ZSWIM5: variants seen among roughly 807,000 people sequenced by gnomAD.
ZSWIM5 encodes zinc finger SWIM-type containing 5.
In ZSWIM5, 55 loss-of-function variants were observed where a neutral mutation model predicts 119.6. The observed-to-expected ratio is 0.46, with a 90% confidence interval of 0.37 to 0.58. ZSWIM5 has a LOEUF of 0.58. Ranked by LOEUF, ZSWIM5 falls within the 20% of genes least tolerant of loss-of-function variation. The probability of loss-of-function intolerance (pLI) is 0.00; values close to 1 mark genes in which losing one functional copy is unlikely to be tolerated. For missense variants in ZSWIM5, 1,193 were observed against 1,512.8 expected (o/e 0.79, Z 3.51); for synonymous variants, 537 against 606.9 (o/e 0.88, Z 1.69).
In ZSWIM5 at chr1:45,206,182, G is replaced by A. The variant is rs1646189420; in HGVS notation, c.169C>T (p.Arg57Cys). The change falls in exon 1 of 14, where the codon CGC becomes TGC. Residue 57 changes from arginine (R) to cysteine (C), a missense_variant. By Grantham distance (180) the Arg-to-Cys change is radical (BLOSUM62 -3). This residue lies in a region of ZSWIM5 where 232 missense variants were observed against 222.9 expected (regional missense o/e 1.04). Transcript: ENST00000359600. ...AAGGAATCCGGCTGCAGGTGGGGGCGGGCCCCGAGGACCAGGCAGCTGCTG... is the reference window on the plus strand; with the variant it reads ...AAGGAATCCGGCTGCAGGTGGGGGCAGGCCCCGAGGACCAGGCAGCTGCTG... ...VGSSCLVLGA[R>C]PHLQPDSLLD... 1.2e-6 allele frequency: 2 copies of A among 1,605,078 alleles called. No individual in the cohort carries two copies. The highest frequency in any genetic ancestry group is 1.7e-6 in the Non-Finnish European group (2 of 1,176,862).
chr1:45,171,261 T>C lies in ZSWIM5; in HGVS notation c.595+34495A>G, dbSNP rs1455033413. On this transcript the variant is annotated intron_variant, in intron 1 of 13. Transcript: ENST00000359600. ...TTTCAATTCTCTAAAATCAAGCTTA[T>C]TTCAAAAAAGTAATACAAACGCCAA... Among the ~76,000 whole-genome samples, 3 of 152,132 alleles carry C rather than the reference T, an allele frequency of 2.0e-5. No homozygotes were observed. The East Asian group carries it at 5.8e-4, about 29-fold the overall frequency.
At chr1:45,048,124 C>T (rs1645068368) in intron 5 of ZSWIM5, among the ~76,000 whole-genome samples, 2 of 136,952 alleles carry the variant, frequency 1.5e-5, no homozygotes, top group Non-Finnish European at 3.1e-5. Flanking sequence ...CATTTTGTTG[C>T]CCAGGCTGGA....
intron 1 of ZSWIM5, among the ~76,000 whole-genome samples, chr1:45,146,541 G>A (rs1162232315): frequency 7.2e-6 from 1 of 139,746 alleles, no homozygotes; most frequent in Non-Finnish European, 1.5e-5. Flanking sequence ...CCCGGTTCAA[G>A]CAATTCTCGT....
intron 1 of ZSWIM5, among the ~76,000 whole-genome samples, chr1:45,117,343 C>T (rs765204128): frequency 3.3e-5 from 5 of 151,650 alleles, no homozygotes; most frequent in Admixed American, 6.6e-5. Flanking sequence ...ATATAACTCT[C>T]CCTGGTTACA....
intron 1 of ZSWIM5, among the ~76,000 whole-genome samples, chr1:45,151,244 T>G (rs191661262): frequency 6.8e-4 from 104 of 151,998 alleles, no homozygotes; most frequent in African/African-American, 2.4e-3. Context: ...AGTTATATAT[T>G]TATATATACT....
intron 1 of ZSWIM5, among the ~76,000 whole-genome samples, chr1:45,165,076 C>T (rs1408713459): frequency 6.6e-6 from 1 of 152,056 alleles, no homozygotes; most frequent in African/African-American, 2.4e-5. Context: ...GTAAAGCACT[C>T]CTCAGCAAAT....
At chr1:45,131,639 C>T (rs1209248953) in intron 1 of ZSWIM5, among the ~76,000 whole-genome samples, 1 of 148,230 alleles carries the variant, frequency 6.7e-6, no homozygotes, top group Non-Finnish European at 1.5e-5. Context: ...GCACGAGAAT[C>T]ACTTAAACTC....
chr1:45,116,797 T>A (rs557826669), intron 1 of ZSWIM5, among the ~76,000 whole-genome samples: 1 of 152,180 alleles, frequency 6.6e-6, no homozygotes, highest in African/African-American at 2.4e-5. Flanking sequence ...GATATACCGA[T>A]TGGCAACATA....
rs550815556 is a variant in ZSWIM5 at position 45,176,296 on chromosome 1, G to T, written c.595+29460C>A. ...TATTTTATTTTTCAGACGGAGTCTTGCTTGTTGCCCAGGCTGGAGTGCTAT... is the reference window on the plus strand; with the variant it reads ...TATTTTATTTTTCAGACGGAGTCTTTCTTGTTGCCCAGGCTGGAGTGCTAT... On this transcript the variant is annotated intron_variant, in intron 1 of 13. Coordinates refer to ENST00000359600, the MANE Select transcript of ZSWIM5 (RefSeq NM_020883.2). Among the ~76,000 whole-genome samples, 52 of 151,696 alleles carry T rather than the reference G, an allele frequency of 3.4e-4. 1 individual carries two copies. The highest frequency in any genetic ancestry group is 1.4e-3 in the Admixed American group (22 of 15,210).
intron 1 of ZSWIM5, among the ~76,000 whole-genome samples, chr1:45,169,082 C>A (rs1331328058): frequency 6.6e-6 from 1 of 152,024 alleles, no homozygotes; most frequent in African/African-American, 2.4e-5. Flanking sequence ...CCATCTCTTA[C>A]GCACTCTCTC....
At chr1:45,054,683 TAA>T (rs1645110804) in intron 4 of ZSWIM5, among the ~76,000 whole-genome samples, 1 of 152,088 alleles carries the variant, frequency 6.6e-6, no homozygotes, top group African/African-American at 2.4e-5. Context: ...TTAAATATAA[TAA>T]AATAATAGCT....
chr1:45,064,997 C>T (rs1040059754), intron 2 of ZSWIM5, among the ~76,000 whole-genome samples: 3 of 152,146 alleles, frequency 2.0e-5, no homozygotes, highest in African/African-American at 7.2e-5. Flanking sequence ...TATTCTGCTA[C>T]AGAGAATATG....
At chr1:45,167,404 T>C (rs1401504270) in intron 1 of ZSWIM5, among the ~76,000 whole-genome samples, 2 of 151,834 alleles carry the variant, frequency 1.3e-5, no homozygotes, top group Non-Finnish European at 2.9e-5. Context: ...ATTCAGGACA[T>C]AGGCATGGGC....
chr1:45,041,462 T>C (rs1283017343), intron 6 of ZSWIM5, among the ~76,000 whole-genome samples: 1 of 151,948 alleles, frequency 6.6e-6, no homozygotes, highest in East Asian at 1.9e-4. Context: ...TGAAAATACA[T>C]ATAAAGAAAT....
At chr1:45,125,238 T>C (rs1302884737) in intron 1 of ZSWIM5, among the ~76,000 whole-genome samples, 1 of 152,210 alleles carries the variant, frequency 6.6e-6, no homozygotes, top group Non-Finnish European at 1.5e-5. Flanking sequence ...ACAGAGTGTG[T>C]TATCTGACCA....
Position 45,159,785 on chromosome 1 carries a change from C to T in ZSWIM5, c.595+45971G>A, listed in dbSNP as rs1570163511. Among the ~76,000 whole-genome samples the T allele has an allele frequency of 2.6e-5, 4 of 152,178 alleles. 1 individual carries two copies. The highest frequency in any genetic ancestry group is 2.6e-4 in the Admixed American group (4 of 15,284). On this transcript the variant is annotated intron_variant, in intron 1 of 13. Transcript: ENST00000359600. Reference sequence around the variant, plus strand: ...TGTATTTTTAGAAGAGATGGGGTTTCACCATGTTGGCCAGGCTAGTCTCGA... The same window carrying T: ...TGTATTTTTAGAAGAGATGGGGTTTTACCATGTTGGCCAGGCTAGTCTCGA...
intron 1 of ZSWIM5, among the ~76,000 whole-genome samples, chr1:45,192,545 A>T (rs1646098899): frequency 6.6e-6 from 1 of 152,200 alleles, no homozygotes; most frequent in Non-Finnish European, 1.5e-5. Flanking sequence ...CCTTTTGTTT[A>T]TCCATTCATC....
intron 4 of ZSWIM5, among the ~76,000 whole-genome samples, chr1:45,052,055 G>C (rs1645092400): frequency 6.8e-6 from 1 of 147,676 alleles, no homozygotes; most frequent in Non-Finnish European, 1.5e-5. Flanking sequence ...GCTGGAGTGA[G>C]ATGGGGCGAT....
chr1:45,181,415 C>T (rs1646017974), intron 1 of ZSWIM5, among the ~76,000 whole-genome samples: 1 of 151,970 alleles, frequency 6.6e-6, no homozygotes, highest in Non-Finnish European at 1.5e-5. Context: ...ACAAAGCCTC[C>T]AAGAAATATG....
Sources: gnomAD v4.1 joint callset for allele counts (sites outside exome capture counted in the v4.1 genomes callset) on GRCh38, gnomAD v4.1.1 for gene constraint, gnomAD v4.1.1 regional missense constraint, MANE v1.5 for transcripts, NCBI Gene and HGNC (gene_info 2026-07-23, HGNC 2026-07-21) for gene names.